The following LRRC72 variants were observed in gnomAD, a reference collection of about 807,000 sequenced individuals.
LRRC72 encodes the protein leucine-rich repeat-containing protein 72.
LRRC72 carries 41 observed loss-of-function variants against 35.8 expected under a neutral mutation model. The observed-to-expected ratio is 1.15, with a 90% confidence interval of 0.89 to 1.49. The LOEUF (loss-of-function observed/expected upper bound fraction) is 1.49, where lower values mean the gene tolerates loss of function less well. Ranked by LOEUF, LRRC72 falls within the 40% of genes most tolerant of loss-of-function variation. The pLI is 0.00. For missense variants in LRRC72, 389 were observed against 330.7 expected (o/e 1.18, Z -1.37); for synonymous variants, 118 against 119.2 (o/e 0.99, Z 0.07).
chr7:16,538,385 G>A (rs1782300508), intron 3 of LRRC72, among the ~76,000 whole-genome samples: 1 of 152,154 alleles, frequency 6.6e-6, no homozygotes, highest in South Asian at 2.1e-4. Context: ...AGCTTATTCA[G>A]AAGTTCCTCT....
chr7:16,548,767 C>T (rs1485527834), intron 3 of LRRC72, among the ~76,000 whole-genome samples: 1 of 152,218 alleles, frequency 6.6e-6, no homozygotes, highest in Non-Finnish European at 1.5e-5. Flanking sequence ...CCCAGCAGGC[C>T]AGAGCAAAAC....
At chr7:16,533,092 G>C (rs1157077421) in intron 2 of LRRC72, among the ~76,000 whole-genome samples, 4 of 152,070 alleles carry the variant, frequency 2.6e-5, no homozygotes, top group African/African-American at 9.7e-5. Context: ...GTAAAAGTTA[G>C]TCAAAGTTAC....
chr7:16,558,965 G>T lies in LRRC72; in HGVS notation c.393G>T (p.Lys131Asn), dbSNP rs1482295293. ...TAACCAACATTGATGCAACAGTGAA[G>T]GAATTAAAGGGAATGCTAAATCTGA... Reference protein sequence around the residue: ...NELTNIDATVKELKGMLNLKI... With the variant: ...NELTNIDATVNELKGMLNLKI... The change falls in exon 5 of 9, where the codon AAG (lysine) becomes AAT (asparagine). Residue 131 changes from lysine to asparagine, a missense_variant. Physicochemically the swap from Lys to Asn is moderately conservative, Grantham distance 94. Coordinates refer to ENST00000401542, the MANE Select transcript of LRRC72 (RefSeq NM_001195280.2). The T allele has an allele frequency of 6.5e-7, 1 of 1,534,734 alleles. No homozygotes were observed. The highest frequency in any genetic ancestry group is 8.8e-7 in the Non-Finnish European group (1 of 1,137,006).
intron 7 of LRRC72, among the ~76,000 whole-genome samples, chr7:16,579,187 CA>C (rs1783097724): frequency 1.3e-5 from 2 of 152,256 alleles, no homozygotes; most frequent in South Asian, 4.1e-4. Flanking sequence ...ATGATTATTT[CA>C]CAATGAATAC....
intron 3 of LRRC72, among the ~76,000 whole-genome samples, chr7:16,547,819 G>T (rs1252254906): frequency 2.6e-5 from 4 of 152,350 alleles, no homozygotes; most frequent in South Asian, 4.1e-4. Context: ...GTGCCCCTTG[G>T]CATGAACAAC....
At chr7:16,563,703 T>C (rs1782780131) in intron 5 of LRRC72, among the ~76,000 whole-genome samples, 1 of 152,100 alleles carries the variant, frequency 6.6e-6, no homozygotes, top group Non-Finnish European at 1.5e-5. Context: ...AAGGAAAAAA[T>C]AGAGTTAAAA....
intron 5 of LRRC72, among the ~76,000 whole-genome samples, chr7:16,564,801 A>G (rs1213556714): frequency 6.9e-6 from 1 of 145,268 alleles, no homozygotes; most frequent in Non-Finnish European, 1.5e-5. Context: ...AAACATCCAG[A>G]TGATTGATTT....
At chr7:16,560,332 G>A (rs1315667512) in intron 5 of LRRC72, among the ~76,000 whole-genome samples, 1 of 152,092 alleles carries the variant, frequency 6.6e-6, no homozygotes, top group Non-Finnish European at 1.5e-5. Flanking sequence ...TCCATATATT[G>A]TTAGTGTTAT....
chr7:16,547,063 G>A (rs577709852), intron 3 of LRRC72, among the ~76,000 whole-genome samples: 10 of 152,194 alleles, frequency 6.6e-5, no homozygotes, highest in Admixed American at 2.0e-4. Flanking sequence ...CTCCACCCTC[G>A]CACAGCCAGG....
Position 16,581,564 on chromosome 7 carries a change from C to A in LRRC72, c.*75C>A. 2 of 1,094,574 alleles carry A rather than the reference C, an allele frequency of 1.8e-6. No homozygotes were observed. Among genetic ancestry groups the A allele is most frequent in the Non-Finnish European group, 1.2e-6 (1 of 826,924 alleles). The allele number at this position is 1,094,574 out of a possible 1,614,324, so 67.8% of individuals were successfully genotyped here. On this transcript the variant is annotated 3_prime_UTR_variant, in exon 9 of 9. Transcript: ENST00000401542. ...TCCCTGTGACTTAGCATATTACATA[C>A]TTACAATGATATTATTTGAGACATC...
At chr7:16,562,397 C>CT (rs1171220095) in intron 5 of LRRC72, among the ~76,000 whole-genome samples, 1 of 152,202 alleles carries the variant, frequency 6.6e-6, no homozygotes, top group Non-Finnish European at 1.5e-5. Context: ...CAACAAAATG[C>CT]TTAATCCACT....
chr7:16,529,157 C>A (rs1436749009), intron 1 of LRRC72, among the ~76,000 whole-genome samples: 2 of 152,098 alleles, frequency 1.3e-5, no homozygotes, highest in African/African-American at 2.4e-5. Flanking sequence ...TAATATGACC[C>A]CAACCCACCT....
chr7:16,547,279 T>A (rs943764413), intron 3 of LRRC72, among the ~76,000 whole-genome samples: 4 of 151,966 alleles, frequency 2.6e-5, no homozygotes, highest in Non-Finnish European at 4.4e-5. Flanking sequence ...AGTCACCCAC[T>A]GGTGGAGGAG....
chr7:16,573,566 T>A (rs1782985443), intron 7 of LRRC72, among the ~76,000 whole-genome samples: 2 of 152,184 alleles, frequency 1.3e-5, no homozygotes, highest in Admixed American at 1.3e-4. Context: ...GGATTCCCTA[T>A]TTAATAAGTG....
chr7:16,557,392 T>C lies in LRRC72; in HGVS notation c.267T>C (p.Tyr89=), dbSNP rs561474564. The C allele has an allele frequency of 1.1e-4, 152 of 1,338,078 alleles. 1 individual carries two copies. The South Asian group carries it at 1.8e-3, about 15-fold the overall frequency. 82.9% of individuals were successfully genotyped at this position (1,338,078 alleles called of 1,614,324 possible). A position where few individuals can be genotyped will look rare whatever the true frequency, so the allele number is the denominator to read the frequency against. The change falls in exon 4 of 9, where the codon TAT becomes TAC. Residue 89 remains tyrosine, a synonymous_variant. Coordinates refer to ENST00000401542, the MANE Select transcript of LRRC72 (RefSeq NM_001195280.2). The part of the protein sequence containing the change: ...LHGITFLTRN[Y]CLTELYLNNN... ...GAATAACATTTCTAACTAGAAACTA[T>C]TGTCTGACAGAACTATATCTAAACA...
chr7:16,570,508 GGTTT>G (rs1191445537), intron 7 of LRRC72, among the ~76,000 whole-genome samples: 1 of 152,070 alleles, frequency 6.6e-6, no homozygotes, highest in Non-Finnish European at 1.5e-5. Flanking sequence ...GAAAAAAACT[GGTTT>G]GTTTATATTA....
chr7:16,565,834 G>A (rs1022138896), intron 5 of LRRC72, among the ~76,000 whole-genome samples: 2 of 152,194 alleles, frequency 1.3e-5, no homozygotes, highest in Non-Finnish European at 2.9e-5. Flanking sequence ...TATGAGCAAT[G>A]GTGTGGAGGA....
chr7:16,544,427 C>CT (rs1782409631), intron 3 of LRRC72, among the ~76,000 whole-genome samples: 1 of 152,146 alleles, frequency 6.6e-6, no homozygotes, highest in Admixed American at 6.5e-5. Context: ...GCATCTCCTC[C>CT]TTTTTGAGAT....
At chr7:16,557,549 A>C in intron 4 of LRRC72, 108 bp downstream of exon 4, 1 of 364,282 alleles carries the variant, frequency 2.7e-6, no homozygotes, top group South Asian at 1.4e-4. Flanking sequence ...ATTTCTGTTG[A>C]AAATATATTA....
Sources: allele counts gnomAD v4.1 joint callset (sites outside exome capture counted in the v4.1 genomes callset), GRCh38; gene constraint gnomAD v4.1.1; transcripts MANE v1.5; gene names NCBI Gene and HGNC (gene_info 2026-07-23, HGNC 2026-07-21).